The following RAB10 variants were observed in gnomAD, a reference collection of about 807,000 sequenced individuals.
RAB10 encodes ras-related protein Rab-10.
A neutral mutation model predicts 25.7 loss-of-function variants in RAB10; 5 were observed. The observed-to-expected ratio is 0.19, with a 90% CI of 0.10 to 0.41. The LOEUF is 0.41. Ranked by LOEUF, RAB10 falls within the 10% of genes least tolerant of loss-of-function variation. RAB10 has a pLI of 1.00. For synonymous variants in RAB10, 89 were observed against 86.4 expected (o/e 1.03, Z -0.16); for missense variants, 103 against 245.8 (o/e 0.42, Z 3.89).
At chr2:26,065,077 C>G (rs777343565) in intron 1 of RAB10, among the ~76,000 whole-genome samples, 3 of 152,160 alleles carry the variant, frequency 2.0e-5, no homozygotes, top group South Asian at 2.1e-4. Context: ...AAGAGTGTTT[C>G]AGTTTGGATA....
intron 1 of RAB10, among the ~76,000 whole-genome samples, chr2:26,092,174 A>C (rs1211660024): frequency 7.0e-6 from 1 of 142,204 alleles, no homozygotes; most frequent in Non-Finnish European, 1.6e-5. Flanking sequence ...TGTGTCTCAG[A>C]AAAAAAAAAA....
intron 1 of RAB10, among the ~76,000 whole-genome samples, chr2:26,085,908 A>C (rs1666970624): frequency 6.9e-6 from 1 of 145,542 alleles, no homozygotes; most frequent in Non-Finnish European, 1.5e-5. Context: ...CTGAGATAGG[A>C]GAATCACTTG....
At chr2:26,046,557 CT>C (rs755616199) in intron 1 of RAB10, among the ~76,000 whole-genome samples, 7 of 151,768 alleles carry the variant, frequency 4.6e-5, no homozygotes, top group South Asian at 2.1e-4. Flanking sequence ...TGCTACATTT[CT>C]TTTTTTTATT....
At chr2:26,049,535 A>G (rs966749319) in intron 1 of RAB10, among the ~76,000 whole-genome samples, 1 of 151,550 alleles carries the variant, frequency 6.6e-6, no homozygotes, top group Non-Finnish European at 1.5e-5. Flanking sequence ...CAGCCTCCCA[A>G]GTAGGTGGGA....
intron 1 of RAB10, among the ~76,000 whole-genome samples, chr2:26,058,488 C>T (rs993500691): frequency 1.3e-5 from 2 of 151,746 alleles, no homozygotes; most frequent in African/African-American, 2.4e-5. Flanking sequence ...GCCTGGAATT[C>T]CTGGGTGCAA....
intron 1 of RAB10, among the ~76,000 whole-genome samples, chr2:26,049,411 C>CTT (rs113360769): frequency 7.0e-5 from 10 of 141,882 alleles, no homozygotes; most frequent in Non-Finnish European, 1.2e-4. Context: ...TTTTTTCCCT[C>CTT]TTTTTTTTTT....
At chr2:26,050,331 T>TGATACCATTCTG (rs1209726538) in intron 1 of RAB10, among the ~76,000 whole-genome samples, 2 of 152,234 alleles carry the variant, frequency 1.3e-5, no homozygotes. Context: ...CTGACAGTTC[T>TGATACCATTCTG]GATACCATTC....
chr2:26,033,872 A>AC (rs932854794), upstream of RAB10, among the ~76,000 whole-genome samples: 1 of 152,068 alleles, frequency 6.6e-6, no homozygotes, highest in South Asian at 2.1e-4. Flanking sequence ...AACGCCGCGC[A>AC]CCCTATCAGG....
intron 3 of RAB10, among the ~76,000 whole-genome samples, chr2:26,118,062 T>A (rs568865364): frequency 5.5e-4 from 83 of 150,782 alleles, no homozygotes; most frequent in African/African-American, 1.8e-3. Context: ...AAACTCCACC[T>A]CCCGGATTCA....
intron 1 of RAB10, among the ~76,000 whole-genome samples, chr2:26,087,438 C>G (rs1195358122): frequency 1.3e-5 from 2 of 152,072 alleles, no homozygotes; most frequent in Non-Finnish European, 2.9e-5. Context: ...TTTTCGCTCT[C>G]GTTGCCCAGG....
At chr2:26,117,817 T>C (rs186305815) in intron 3 of RAB10, among the ~76,000 whole-genome samples, 32 of 152,188 alleles carry the variant, frequency 2.1e-4, no homozygotes, top group African/African-American at 5.3e-4. Flanking sequence ...TTAAGAGAGA[T>C]CATATATGTT....
intron 1 of RAB10, among the ~76,000 whole-genome samples, chr2:26,089,919 C>T (rs901686140): frequency 1.3e-5 from 2 of 152,014 alleles, no homozygotes; most frequent in African/African-American, 4.8e-5. Flanking sequence ...GTTTACAGTT[C>T]GTTGTTACAT....
chr2:26,094,663 A>G (rs987258830), intron 1 of RAB10, among the ~76,000 whole-genome samples: 1 of 152,130 alleles, frequency 6.6e-6, no homozygotes, highest in Non-Finnish European at 1.5e-5. Flanking sequence ...GGTTCAAGCA[A>G]TTCTCGTGCC....
At chr2:26,102,470 G>A (rs1218309203) in intron 2 of RAB10, among the ~76,000 whole-genome samples, 20 of 128,872 alleles carry the variant, frequency 1.6e-4, no homozygotes, top group Admixed American at 1.4e-3. Flanking sequence ...ACGGAGTCTC[G>A]CTCTGTCACC....
chr2:26,120,179 G>A (rs779909897), intron 3 of RAB10, among the ~76,000 whole-genome samples: 1 of 152,166 alleles, frequency 6.6e-6, no homozygotes, highest in Non-Finnish European at 1.5e-5. Context: ...TCTTTGAGTG[G>A]AGGTTCATGT....
chr2:26,099,671 G>A (rs1667303032), intron 2 of RAB10, among the ~76,000 whole-genome samples: 1 of 151,062 alleles, frequency 6.6e-6, no homozygotes. Context: ...CTCCCAAGTA[G>A]CTGGGACTAT....
At chr2:26,103,565 A>G (rs1308653479) in intron 2 of RAB10, among the ~76,000 whole-genome samples, 1 of 152,196 alleles carries the variant, frequency 6.6e-6, no homozygotes, top group African/African-American at 2.4e-5. Context: ...AAGCCTAGTC[A>G]TATTTTCAGT....
chr2:26,071,621 G>A (rs922485264), intron 1 of RAB10, among the ~76,000 whole-genome samples: 1 of 151,956 alleles, frequency 6.6e-6, no homozygotes, highest in African/African-American at 2.4e-5. Flanking sequence ...CTGGGAGGCA[G>A]AGGTTGCGGT....
intron 1 of RAB10, among the ~76,000 whole-genome samples, chr2:26,072,582 G>A (rs1008246064): frequency 6.6e-6 from 1 of 152,252 alleles, no homozygotes; most frequent in Admixed American, 6.5e-5. Flanking sequence ...GAGCTTTGTA[G>A]TGTTGAAGAA....
Sources: gnomAD v4.1 joint callset for allele counts (sites outside exome capture counted in the v4.1 genomes callset) on GRCh38, gnomAD v4.1.1 for gene constraint, MANE v1.5 for transcripts, NCBI Gene and HGNC (gene_info 2026-07-23, HGNC 2026-07-21) for gene names.